The following AHCYL2 variants were observed in gnomAD, a reference collection of about 807,000 sequenced individuals.
The protein encoded by AHCYL2 is adenosylhomocysteinase like 2.
A neutral mutation model predicts 81.4 loss-of-function variants in AHCYL2; 28 were observed. The ratio of observed to expected loss-of-function variants is 0.34; its 90% CI spans 0.25 to 0.47. The LOEUF (loss-of-function observed/expected upper bound fraction) is 0.47. AHCYL2 is among the 20% of genes least tolerant of loss of function. The probability of loss-of-function intolerance (pLI) is 1.00; values close to 1 mark genes in which losing one functional copy is unlikely to be tolerated. For missense variants in AHCYL2, 551 were observed against 785.1 expected (o/e 0.70, Z 3.56); for synonymous variants, 272 against 290.2 (o/e 0.94, Z 0.64).
At chr7:129,371,617 A>G (rs1794413086) in intron 1 of AHCYL2, among the ~76,000 whole-genome samples, 1 of 152,234 alleles carries the variant, frequency 6.6e-6, no homozygotes, top group Admixed American at 6.5e-5. Context: ...GACTGTCTTT[A>G]TTAATGTGTT....
intron 6 of AHCYL2, among the ~76,000 whole-genome samples, chr7:129,401,084 GA>G (rs753134345): frequency 2.6e-4 from 39 of 152,230 alleles, no homozygotes; most frequent in Non-Finnish European, 5.3e-4. Flanking sequence ...AGCACTTTGG[GA>G]GCCCAAGGCA....
intron 1 of AHCYL2, among the ~76,000 whole-genome samples, chr7:129,294,056 C>G (rs1245396656): frequency 2.0e-5 from 3 of 152,140 alleles, no homozygotes; most frequent in Non-Finnish European, 4.4e-5. Context: ...TGTATCTAAT[C>G]AGTTATTTTG....
chr7:129,337,493 G>A (rs149187299), intron 1 of AHCYL2, among the ~76,000 whole-genome samples: 461 of 152,080 alleles, frequency 3.0e-3, no homozygotes, highest in African/African-American at 9.6e-3. Flanking sequence ...TCCACCTGCC[G>A]GGTTAAAACA....
chr7:129,238,676 G>C (rs1168228161), intron 1 of AHCYL2, among the ~76,000 whole-genome samples: 1 of 152,176 alleles, frequency 6.6e-6, no homozygotes, highest in East Asian at 1.9e-4. Flanking sequence ...CTGTGGCCGG[G>C]CGCGGTGGCT....
intron 1 of AHCYL2, among the ~76,000 whole-genome samples, chr7:129,341,403 G>A (rs978600474): frequency 7.9e-5 from 12 of 152,150 alleles, no homozygotes; most frequent in Non-Finnish European, 2.9e-5. Context: ...AAGTGGTTGG[G>A]GGACACTTTC....
In AHCYL2 at chr7:129,424,865, GATC is replaced by G. The variant is rs1359569715; in HGVS notation, c.1561-7_1561-5del. 1 of 1,612,468 alleles carries G rather than the reference GATC, an allele frequency of 6.2e-7. No homozygotes were observed. The highest frequency in any genetic ancestry group is 8.5e-7 in the Non-Finnish European group (1 of 1,179,972). On this transcript the variant is annotated splice_polypyrimidine_tract_variant and splice_region_variant and intron_variant, in intron 13 of 16. Transcript: ENST00000325006. ...CTAATCCATTTGTGTCTTCACCTTTGATCACTAGGGCCGCCTGCTGAACCTTAG... is the reference window on the plus strand; with the variant it reads ...CTAATCCATTTGTGTCTTCACCTTTGACTAGGGCCGCCTGCTGAACCTTAG...
At chr7:129,389,384 T>TAA (rs11389356) in intron 3 of AHCYL2, among the ~76,000 whole-genome samples, 185 bp downstream of exon 3, 2,206 of 124,922 alleles carry the variant, frequency 0.018, 28 homozygotes, top group African/African-American at 0.027. Flanking sequence ...AACCCTGTAT[T>TAA]AAAAAAAAAA....
At chr7:129,388,635 A>C (rs537415025) in intron 2 of AHCYL2, among the ~76,000 whole-genome samples, 1 of 152,310 alleles carries the variant, frequency 6.6e-6, no homozygotes, top group African/African-American at 2.4e-5. Flanking sequence ...CTTGTTTTCT[A>C]GGTCTTATCT....
intron 1 of AHCYL2, among the ~76,000 whole-genome samples, chr7:129,315,002 C>T (rs1356066523): frequency 6.6e-6 from 1 of 152,060 alleles, no homozygotes; most frequent in Non-Finnish European, 1.5e-5. Context: ...TTATGGTAAC[C>T]ATTAAGTGAG....
At chr7:129,350,710 CTTTCT>C (rs1323193675) in intron 1 of AHCYL2, among the ~76,000 whole-genome samples, 24 of 111,858 alleles carry the variant, frequency 2.1e-4, no homozygotes, top group African/African-American at 4.1e-4. Context: ...TTCTTTCTTT[CTTTCT>C]TTTTTTTTTT....
chr7:129,336,259 G>A (rs1260335940), intron 1 of AHCYL2, among the ~76,000 whole-genome samples: 3 of 151,702 alleles, frequency 2.0e-5, no homozygotes, highest in African/African-American at 7.3e-5. Flanking sequence ...GTAGAGACAG[G>A]GTTTCGCCAT....
intron 1 of AHCYL2, among the ~76,000 whole-genome samples, chr7:129,276,381 G>T (rs1796204633): frequency 6.6e-6 from 1 of 151,466 alleles, no homozygotes; most frequent in South Asian, 2.1e-4. Context: ...TGACTGAGAA[G>T]TTATTTTTAA....
At chr7:129,366,934 A>G (rs1459095313) in intron 1 of AHCYL2, among the ~76,000 whole-genome samples, 1 of 152,164 alleles carries the variant, frequency 6.6e-6, no homozygotes, top group Non-Finnish European at 1.5e-5. Context: ...ATCAATCAAC[A>G]TATGTATGAT....
intron 1 of AHCYL2, among the ~76,000 whole-genome samples, chr7:129,318,239 A>G (rs1720587917): frequency 1.3e-5 from 2 of 152,232 alleles, no homozygotes; most frequent in Admixed American, 6.5e-5. Context: ...TTGCATAAAT[A>G]TGACTTCTAT....
chr7:129,292,407 C>A (rs1353255852), intron 1 of AHCYL2, among the ~76,000 whole-genome samples: 1 of 152,160 alleles, frequency 6.6e-6, no homozygotes, highest in East Asian at 1.9e-4. Flanking sequence ...AAATTGCTTG[C>A]TGACTAGGGC....
At chr7:129,281,471 T>C (rs1431738149) in intron 1 of AHCYL2, among the ~76,000 whole-genome samples, 1 of 151,128 alleles carries the variant, frequency 6.6e-6, no homozygotes, top group Non-Finnish European at 1.5e-5. Context: ...TGTATTTTAT[T>C]AGTTCTTCTG....
In AHCYL2 at chr7:129,362,154, T is replaced by C. The variant is rs112467564; in HGVS notation, c.364-17484T>C. 2.5e-3 allele frequency among the ~76,000 whole-genome samples: 383 copies of C among 152,318 alleles called. 2 individuals are homozygous for C. Among genetic ancestry groups the C allele is most frequent in the South Asian group, 4.8e-3 (23 of 4,832 alleles). ...TATAAAACCAATGTGTAGAAGATAC[T>C]GTTATCCTGATTTACAGACAAAGAA... is the stretch of plus-strand genomic sequence containing the variant. On this transcript the variant is annotated intron_variant, in intron 1 of 16. Coordinates refer to ENST00000325006, the MANE Select transcript of AHCYL2 (RefSeq NM_015328.4).
At chr7:129,397,389 A>C in intron 5 of AHCYL2, 65 bp downstream of exon 5, 1 of 1,431,280 alleles carries the variant, frequency 7.0e-7, no homozygotes, top group Non-Finnish European at 9.6e-7. Flanking sequence ...TTTATGTTTC[A>C]GCATAAATCT....
At chr7:129,358,533 C>A (rs573258233) in intron 1 of AHCYL2, among the ~76,000 whole-genome samples, 3 of 152,206 alleles carry the variant, frequency 2.0e-5, no homozygotes, top group Admixed American at 6.5e-5. Flanking sequence ...ATATGAGTTA[C>A]CCAATGTAGT....
Sources: allele counts gnomAD v4.1 joint callset (sites outside exome capture counted in the v4.1 genomes callset), GRCh38; gene constraint gnomAD v4.1.1; transcripts MANE v1.5; gene names NCBI Gene and HGNC (gene_info 2026-07-23, HGNC 2026-07-21).